PALS2: variants seen among roughly 807,000 people sequenced by gnomAD.
The protein encoded by PALS2 is protein PALS2.
Under a neutral mutation model 61.6 loss-of-function variants are expected in PALS2, and 27 were observed. The ratio of observed to expected loss-of-function variants is 0.44; its 90% CI spans 0.32 to 0.60. The LOEUF (loss-of-function observed/expected upper bound fraction) is 0.60, where lower values mean the gene tolerates loss of function less well. Ranked by LOEUF, PALS2 falls within the 20% of genes least tolerant of loss-of-function variation. The probability of loss-of-function intolerance (pLI) is 0.05; values close to 1 mark genes in which losing one functional copy is unlikely to be tolerated. For missense variants in PALS2, 554 were observed against 639.4 expected, an observed-to-expected ratio of 0.87 and a Z score of 1.44; for synonymous variants, 236 against 218.6, an observed-to-expected ratio of 1.08 and a Z score of -0.70.
intron 2 of PALS2, among the ~76,000 whole-genome samples, chr7:24,633,301 T>C (rs889682744): frequency 1.3e-5 from 2 of 149,694 alleles, no homozygotes; most frequent in Non-Finnish European, 3.0e-5. Context: ...TTTTTTTTTT[T>C]AACTTTTTTA....
chr7:24,617,091 CT>C (rs138093384), intron 1 of PALS2, among the ~76,000 whole-genome samples: 5,909 of 151,786 alleles, frequency 0.039, 156 homozygotes, highest in Non-Finnish European at 0.058. Context: ...TTCTTTTTTT[CT>C]TTTTGTCTGC....
At chr7:24,622,568 A>G (rs1784563199) in intron 1 of PALS2, among the ~76,000 whole-genome samples, 1 of 151,932 alleles carries the variant, frequency 6.6e-6, no homozygotes, top group Admixed American at 6.5e-5. Context: ...CATATTAATG[A>G]TAATAAATTT....
At position 24,649,699 on chromosome 7, in the gene PALS2, A is replaced by C. The variant is rs1413377680; in HGVS notation, c.358A>C (p.Asn120His). 1.9e-6 allele frequency: 3 copies of C among 1,611,838 alleles called. No individual in the cohort carries two copies. The highest frequency in any genetic ancestry group is 2.5e-6 in the Non-Finnish European group (3 of 1,179,080). The change falls in exon 4 of 12, where the codon AAT becomes CAT. Residue 120 changes from asparagine to histidine, a missense_variant. By Grantham distance (68) the Asn-to-His change is moderately conservative. Transcript: ENST00000222644. ...SPEMNNSSIN[N>H]QLLPVDAIRI... ...AGAAATGAATAATTCTTCTATCAAT[A>C]ATCAGTTATTACCAGTAGATGCCAT...
chr7:24,649,507 G>A (rs909757878), intron 3 of PALS2, 105 bp from the exon 4 acceptor site: 1 of 1,054,286 alleles, frequency 9.5e-7, no homozygotes, highest in African/African-American at 1.6e-5. Flanking sequence ...ATGTGCCTTG[G>A]AAATTTTTAG....
chr7:24,592,861 C>A (rs1331743649), intron 1 of PALS2, among the ~76,000 whole-genome samples: 4 of 151,894 alleles, frequency 2.6e-5, no homozygotes, highest in Non-Finnish European at 5.9e-5. Context: ...GAGGGTCTTA[C>A]CTTGATGCTG....
In PALS2 at chr7:24,679,333, A is replaced by G. The variant is rs201313703; in HGVS notation, c.1317A>G (p.Gln439=). The change falls in exon 10 of 12, where the codon CAA becomes CAG. Residue 439 remains glutamine (Q), a splice_region_variant and synonymous_variant. Transcript: ENST00000222644. ...CTTGCATTCTGGATGTCAACCCACAAGTAAGCTGCTTGGATTCCAAAGCTG... is the reference window on the plus strand; with the variant it reads ...CTTGCATTCTGGATGTCAACCCACAGGTAAGCTGCTTGGATTCCAAAGCTG... ...GRTCILDVNP[Q]ALKVLRTSEF... 3.7e-6 allele frequency: 6 copies of G among 1,613,336 alleles called. No homozygotes were observed. Among genetic ancestry groups the G allele is most frequent in the East Asian group, 2.2e-5 (1 of 44,880 alleles).
chr7:24,668,707 A>G, intron 9 of PALS2, 47 bp downstream of exon 9: 2 of 1,585,296 alleles, frequency 1.3e-6, no homozygotes, highest in South Asian at 1.1e-5. Context: ...AGGAAAGAGT[A>G]TGGGCATATG....
At chr7:24,677,818 C>T (rs183898464) in intron 9 of PALS2, among the ~76,000 whole-genome samples, 11 of 152,258 alleles carry the variant, frequency 7.2e-5, no homozygotes, top group South Asian at 2.1e-4. Context: ...TAGTCTAAGA[C>T]GACCACTCTC....
intron 3 of PALS2, among the ~76,000 whole-genome samples, chr7:24,644,433 T>C (rs1479088794): frequency 6.6e-6 from 1 of 152,154 alleles, no homozygotes; most frequent in Non-Finnish European, 1.5e-5. Context: ...ACAAAAGACA[T>C]GATCTCATTT....
At chr7:24,640,744 C>T (rs372353707) in intron 2 of PALS2, among the ~76,000 whole-genome samples, 134 of 152,132 alleles carry the variant, frequency 8.8e-4, no homozygotes, top group African/African-American at 3.0e-3. Context: ...GGCGGTGGCT[C>T]ATGCCTGTAA....
chr7:24,633,572 T>C (rs1583910963), intron 2 of PALS2, among the ~76,000 whole-genome samples: 1 of 151,744 alleles, frequency 6.6e-6, no homozygotes, highest in African/African-American at 2.4e-5. Context: ...CACAGTGTTC[T>C]ATGAGTCTCG....
chr7:24,607,555 A>ATG (rs1158299162), intron 1 of PALS2, among the ~76,000 whole-genome samples: 1 of 149,794 alleles, frequency 6.7e-6, no homozygotes, highest in Non-Finnish European at 1.5e-5. Flanking sequence ...GTATATATGT[A>ATG]TGTGTATATA....
In PALS2 at chr7:24,666,453, T is replaced by A. The variant is rs1393814517; in HGVS notation, c.952+364T>A. Among the ~76,000 whole-genome samples the A allele has an allele frequency of 2.0e-5, 3 of 152,102 alleles. No individual in the cohort carries two copies. In the East Asian group the frequency reaches 5.8e-4, roughly 29 times the overall value. ...TGCCTTTGTCAAGATGTTAAAAGAGTTATGTTTAGGGCAACTGTATCCTGC... is the reference window on the plus strand; with the variant it reads ...TGCCTTTGTCAAGATGTTAAAAGAGATATGTTTAGGGCAACTGTATCCTGC... On this transcript the variant is annotated intron_variant, in intron 8 of 11. Transcript: ENST00000222644.
At chr7:24,609,938 A>G (rs771842071) in intron 1 of PALS2, among the ~76,000 whole-genome samples, 4 of 152,034 alleles carry the variant, frequency 2.6e-5, no homozygotes, top group Admixed American at 1.3e-4. Context: ...TCAGCTCTAC[A>G]TTTGTTTTAA....
At chr7:24,685,781 T>C (rs540898233) in intron 11 of PALS2, among the ~76,000 whole-genome samples, 23 of 152,204 alleles carry the variant, frequency 1.5e-4, no homozygotes, top group Non-Finnish European at 3.1e-4. Flanking sequence ...GAAGTCTCAG[T>C]ATCAGCTGAA....
intron 11 of PALS2, among the ~76,000 whole-genome samples, chr7:24,684,260 C>A (rs959173323): frequency 1.3e-5 from 2 of 152,162 alleles, no homozygotes; most frequent in Non-Finnish European, 2.9e-5. Flanking sequence ...CCACCACACC[C>A]AGCTAACTTT....
Position 24,573,560 on chromosome 7 carries a change from A to AGCG in PALS2, c.-29_-27dup, listed in dbSNP as rs1411997382. On this transcript the variant is annotated 5_prime_UTR_variant, in exon 1 of 12. Coordinates refer to ENST00000222644, the MANE Select transcript of PALS2 (RefSeq NM_001303037.2). The surrounding 1 kb of genome is among the most constrained non-coding windows in gnomAD (Gnocchi z 5.3). ...GCGGGGAGCGACCGGGAGCGGCGGC[A>AGCG]GCGGCGGCGCGGAGGCGGCTGAGGT... is the stretch of plus-strand genomic sequence containing the variant. 1.0e-5 allele frequency: 4 copies of AGCG among 381,564 alleles called. No individual in the cohort carries two copies. Among genetic ancestry groups the AGCG allele is most frequent in the African/African-American group, 2.2e-5 (1 of 46,474 alleles). 23.6% of individuals were successfully genotyped at this position (381,564 alleles called of 1,614,324 possible). A position where few individuals can be genotyped will look rare whatever the true frequency, so the allele number is the denominator to read the frequency against.
intron 9 of PALS2, among the ~76,000 whole-genome samples, chr7:24,675,469 C>T (rs931185809): frequency 6.6e-6 from 1 of 150,514 alleles, no homozygotes; most frequent in East Asian, 2.0e-4. Flanking sequence ...TATACATGTG[C>T]CATGGTGGTG....
chr7:24,624,727 C>T (rs1784666527), intron 2 of PALS2, among the ~76,000 whole-genome samples: 1 of 151,254 alleles, frequency 6.6e-6, no homozygotes, highest in African/African-American at 2.4e-5. Context: ...CTGCCTCAGC[C>T]TCCCGAGTAG....
Sources: allele counts gnomAD v4.1 joint callset (sites outside exome capture counted in the v4.1 genomes callset), GRCh38; gene constraint gnomAD v4.1.1; non-coding constraint Gnocchi (gnomAD v3.1); transcripts MANE v1.5; gene names NCBI Gene and HGNC (gene_info 2026-07-23, HGNC 2026-07-21).